MAD1L1: variants seen among roughly 807,000 people sequenced by gnomAD.
MAD1L1 encodes the protein mitotic spindle assembly checkpoint protein MAD1.
MAD1L1 carries 95 observed loss-of-function variants against 96.9 expected under a neutral mutation model. The ratio of observed to expected loss-of-function variants is 0.98; its 90% CI spans 0.83 to 1.16. The LOEUF (loss-of-function observed/expected upper bound fraction) is 1.16, where lower values mean the gene tolerates loss of function less well. MAD1L1 is among the 50% of genes most tolerant of loss of function. MAD1L1 has a pLI of 0.00. For synonymous variants in MAD1L1, 473 were observed against 396.6 expected, an observed-to-expected ratio of 1.19 and a Z score of -2.29; for missense variants, 1,007 against 954.4, an observed-to-expected ratio of 1.06 and a Z score of -0.73.
At chr7:1,962,030 A>C (rs1482513225) in intron 15 of MAD1L1, among the ~76,000 whole-genome samples, 1 of 151,718 alleles carries the variant, frequency 6.6e-6, no homozygotes, top group Non-Finnish European at 1.5e-5. Flanking sequence ...GGAGATAATG[A>C]ATCACAGGGC....
At position 2,222,722 on chromosome 7, in the gene MAD1L1, C is replaced by G; in HGVS notation, c.324G>C (p.Thr108=). Residue 108 remains threonine, a synonymous_variant, in exon 5 of 19, where the codon ACG becomes ACC. Coordinates refer to ENST00000265854, the MANE Select transcript of MAD1L1 (RefSeq NM_001013836.2). The stretch of plus-strand genomic sequence containing the variant: ...CCCGCTCCTGAAGCTGCCGGATGCG[C>G]GTCAGGAGCTCCTGGTTGCGGTCGA... ...REVDRNQELL[T]RIRQLQEREA... 6.2e-7 allele frequency: 1 copy of G among 1,607,880 alleles called. No homozygotes were observed. The highest frequency in any genetic ancestry group is 8.5e-7 in the Non-Finnish European group (1 of 1,179,392).
chr7:2,125,351 C>A (rs1187363447), intron 11 of MAD1L1, among the ~76,000 whole-genome samples: 1 of 152,136 alleles, frequency 6.6e-6, no homozygotes, highest in African/African-American at 2.4e-5. Flanking sequence ...CAAGCAGCAG[C>A]CCTGAGCCGA....
chr7:2,149,230 TCTGGAGTC>T lies in MAD1L1; in HGVS notation c.987_994del (p.Thr330ArgfsTer8). 1 of 1,613,712 alleles carries T rather than the reference TCTGGAGTC, an allele frequency of 6.2e-7. No individual in the cohort carries two copies. The highest frequency in any genetic ancestry group is 1.1e-5 in the South Asian group (1 of 90,996). On this transcript the variant is annotated frameshift_variant and splice_region_variant, in exon 11 of 19. Transcript: ENST00000265854. LOFTEE classifies it high-confidence loss of function. Reference sequence around the variant, plus strand: ...CTCAACCACGAATCTGGAAAGGTCTTCTGGAGTCCTGCAGGATAAACAAGGCACACTCA... The same window carrying T: ...CTCAACCACGAATCTGGAAAGGTCTTCTGCAGGATAAACAAGGCACACTCA...
At chr7:1,938,298 G>T (rs1778716090) in intron 16 of MAD1L1, among the ~76,000 whole-genome samples, 1 of 151,968 alleles carries the variant, frequency 6.6e-6, no homozygotes, top group African/African-American at 2.4e-5. Context: ...CAGGGTCACT[G>T]CACACCTGAG....
intron 17 of MAD1L1, among the ~76,000 whole-genome samples, chr7:1,908,204 G>A (rs899622706): frequency 6.6e-6 from 1 of 152,198 alleles, no homozygotes; most frequent in Non-Finnish European, 1.5e-5. Context: ...CCTGGCTCAG[G>A]GCTGCAGCTG....
intron 1 of MAD1L1, among the ~76,000 whole-genome samples, chr7:2,231,254 C>T (rs1452430872): frequency 6.6e-6 from 1 of 152,178 alleles, no homozygotes; most frequent in African/African-American, 2.4e-5. Flanking sequence ...CCTGAGACCG[C>T]ACCACTGCAC....
chr7:1,976,102 A>G (rs536884295), intron 15 of MAD1L1, among the ~76,000 whole-genome samples: 1 of 152,232 alleles, frequency 6.6e-6, no homozygotes, highest in Non-Finnish European at 1.5e-5. Flanking sequence ...TGTCATTCAC[A>G]TACAACAAAT....
chr7:1,818,710 G>A (rs1409541328), intron 18 of MAD1L1, among the ~76,000 whole-genome samples: 1 of 152,066 alleles, frequency 6.6e-6, no homozygotes, highest in East Asian at 1.9e-4. Context: ...TTCTTTATTT[G>A]AAACAGGTGC....
chr7:2,169,937 G>T (rs1303433461), intron 10 of MAD1L1, among the ~76,000 whole-genome samples: 1 of 152,054 alleles, frequency 6.6e-6, no homozygotes, highest in Non-Finnish European at 1.5e-5. Flanking sequence ...TTGGAGCAGG[G>T]GCTGGACCAC....
At chr7:1,938,383 A>C (rs1304579587) in intron 16 of MAD1L1, among the ~76,000 whole-genome samples, 1 of 152,222 alleles carries the variant, frequency 6.6e-6, no homozygotes, top group Non-Finnish European at 1.5e-5. Context: ...AGGTTACTCA[A>C]ACAGGGTTCA....
chr7:2,021,108 C>T (rs934473533), intron 12 of MAD1L1, among the ~76,000 whole-genome samples: 6 of 152,194 alleles, frequency 3.9e-5, no homozygotes, highest in Admixed American at 2.0e-4. Flanking sequence ...GTGGAACCTA[C>T]TCATGACAGG....
intron 11 of MAD1L1, among the ~76,000 whole-genome samples, chr7:2,112,399 G>C (rs1264586777): frequency 6.6e-6 from 1 of 152,232 alleles, no homozygotes; most frequent in Non-Finnish European, 1.5e-5. Flanking sequence ...ACACCAGGCA[G>C]TGGGAAACAC....
chr7:1,932,991 G>A (rs1055758584), intron 17 of MAD1L1, among the ~76,000 whole-genome samples: 1 of 152,158 alleles, frequency 6.6e-6, no homozygotes, highest in Non-Finnish European at 1.5e-5. Context: ...TTCTCTTGGT[G>A]TGTGTTAAGC....
chr7:1,976,958 G>T (rs1022711633), intron 15 of MAD1L1, among the ~76,000 whole-genome samples: 1 of 152,376 alleles, frequency 6.6e-6, no homozygotes, highest in Middle Eastern at 3.4e-3. Context: ...CCTTTAGCTA[G>T]ACACAGATTG....
At chr7:2,168,160 C>T (rs1333215626) in intron 10 of MAD1L1, among the ~76,000 whole-genome samples, 1 of 152,160 alleles carries the variant, frequency 6.6e-6, no homozygotes, top group African/African-American at 2.4e-5. Context: ...TGGTGGGTGC[C>T]TGTAGTCCCA....
chr7:2,143,485 G>A (rs1214628472), intron 11 of MAD1L1, among the ~76,000 whole-genome samples: 4 of 151,726 alleles, frequency 2.6e-5, no homozygotes, highest in African/African-American at 7.3e-5. Context: ...TCACTCTTGG[G>A]AGGTGACAGA....
chr7:2,045,953 C>T (rs1234637515), intron 12 of MAD1L1, among the ~76,000 whole-genome samples: 1 of 152,224 alleles, frequency 6.6e-6, no homozygotes, highest in East Asian at 1.9e-4. Context: ...GCACCACAGG[C>T]CGCCACAGCC....
chr7:2,172,252 A>C (rs540076513), intron 10 of MAD1L1, among the ~76,000 whole-genome samples: 1 of 152,076 alleles, frequency 6.6e-6, no homozygotes, highest in Non-Finnish European at 1.5e-5. Flanking sequence ...CTTGCGAGAC[A>C]CCACGACCCT....
At chr7:2,205,943 G>A (rs948713077) in intron 10 of MAD1L1, among the ~76,000 whole-genome samples, 2 of 152,248 alleles carry the variant, frequency 1.3e-5, no homozygotes, top group African/African-American at 4.8e-5. Context: ...AGACTAGCCT[G>A]GCCAACATGG....
Sources: gnomAD v4.1 joint callset for allele counts (sites outside exome capture counted in the v4.1 genomes callset) on GRCh38, gnomAD v4.1.1 for gene constraint, MANE v1.5 for transcripts, NCBI Gene and HGNC (gene_info 2026-07-23, HGNC 2026-07-21) for gene names.